Variants in ITIH5 observed in about 807,000 individuals in gnomAD.
ITIH5 encodes inter-alpha-trypsin inhibitor heavy chain H5.
A neutral mutation model predicts 77.5 loss-of-function variants in ITIH5; 65 were observed. That is an observed-to-expected ratio of 0.84 (90% CI 0.69 to 1.03). ITIH5 has a LOEUF of 1.03. Among genes scored for constraint, ITIH5 ranks in the 50% least tolerant of loss-of-function variants. The pLI, the probability that ITIH5 is intolerant of heterozygous loss-of-function variation, is 0.00. For synonymous variants in ITIH5, 525 were observed against 494.3 expected, an observed-to-expected ratio of 1.06 and a Z score of -0.82; for missense variants, 1,208 against 1,213.1, an observed-to-expected ratio of 1.00 and a Z score of 0.06.
At chr10:7,617,422 CAT>C (rs1202137517) in intron 5 of ITIH5, 140 bp from the exon 6 acceptor site, 16 of 520,298 alleles carry the variant, frequency 3.1e-5, no homozygotes, top group Non-Finnish European at 5.2e-5. Context: ...AGACTGTACT[CAT>C]ATATCACAAT....
At position 7,562,968 on chromosome 10, in the gene ITIH5, A is replaced by C; in HGVS notation, c.*115T>G. 1.2e-6 allele frequency: 1 copy of C among 867,236 alleles called. No individual in the cohort carries two copies. The highest frequency in any genetic ancestry group is 3.4e-4 in the Middle Eastern group (1 of 2,938). 53.7% of individuals were successfully genotyped at this position (867,236 alleles called of 1,614,324 possible). The stretch of plus-strand genomic sequence containing the variant: ...ATCTATGCTGCACCAGGGGTGGGTC[A>C]TGGAGTCCAGCTAATTGCCAGGAGC... On this transcript the variant is annotated 3_prime_UTR_variant, in exon 14 of 14. Transcript: ENST00000397146.
chr10:7,647,539 G>A (rs949569828), intron 2 of ITIH5, among the ~76,000 whole-genome samples: 1 of 151,936 alleles, frequency 6.6e-6, no homozygotes, highest in Non-Finnish European at 1.5e-5. Context: ...GTTGCTCTAA[G>A]CCACTGAATT....
chr10:7,589,980 G>T (rs1043935998), intron 7 of ITIH5, among the ~76,000 whole-genome samples: 12 of 147,952 alleles, frequency 8.1e-5, no homozygotes, highest in Non-Finnish European at 1.6e-4. Context: ...CTCAGCTGAG[G>T]TTCTCACCTC....
intron 8 of ITIH5, among the ~76,000 whole-genome samples, chr10:7,583,277 G>A (rs1832604825): frequency 6.6e-6 from 1 of 152,202 alleles, no homozygotes; most frequent in Admixed American, 6.5e-5. Context: ...AAGATGCAGA[G>A]CCCAAATGGA....
chr10:7,566,072 C>A lies in ITIH5; in HGVS notation c.2485G>T (p.Ala829Ser), dbSNP rs983827579. The A allele has an allele frequency of 3.1e-6, 5 of 1,613,982 alleles. No individual in the cohort carries two copies. Among genetic ancestry groups the A allele is most frequent in the Admixed American group, 3.3e-5 (2 of 59,986 alleles). The change falls in exon 13 of 14, where the codon GCC becomes TCC. Residue 829 changes from alanine (A) to serine (S), a missense_variant. Coordinates refer to ENST00000397146, the MANE Select transcript of ITIH5 (RefSeq NM_030569.7). Reference sequence around the variant, plus strand: ...TTGCTGGAAAGGCCCTCGCTGTTGGCAATGTAGAAACCCAGGTGGTGTCGC... The same window carrying A: ...TTGCTGGAAAGGCCCTCGCTGTTGGAAATGTAGAAACCCAGGTGGTGTCGC... ...FQRHHLGFYI[A>S]NSEGLSSNCH...
intron 7 of ITIH5, among the ~76,000 whole-genome samples, chr10:7,593,505 T>C (rs7080910): frequency 8.7e-4 from 19 of 21,792 alleles, no homozygotes; most frequent in South Asian, 5.6e-3. Context: ...CTCACCCCTG[T>C]AGACTGCAGC....
chr10:7,631,904 A>G (rs1230187581), intron 5 of ITIH5, among the ~76,000 whole-genome samples: 2 of 151,680 alleles, frequency 1.3e-5, no homozygotes, highest in African/African-American at 4.8e-5. Flanking sequence ...CTCCTGCCTC[A>G]GCCTCCCAAG....
chr10:7,567,087 T>G (rs1430312138), intron 12 of ITIH5, among the ~76,000 whole-genome samples: 1 of 151,746 alleles, frequency 6.6e-6, no homozygotes, highest in Admixed American at 6.6e-5. Context: ...TAAAGTTATG[T>G]GCGGATTTTT....
chr10:7,648,079 T>TA (rs34969787), intron 2 of ITIH5, among the ~76,000 whole-genome samples: 54 of 143,816 alleles, frequency 3.8e-4, no homozygotes, highest in East Asian at 1.2e-3. Flanking sequence ...CTGTCTCTAC[T>TA]AAAAAAAAAA....
Position 7,565,560 on chromosome 10 carries a change from A to G in ITIH5, c.2527+470T>C, listed in dbSNP as rs149194239. Among the ~76,000 whole-genome samples, 522 of 149,450 alleles carry G rather than the reference A, an allele frequency of 3.5e-3. 5 individuals are homozygous for G. The highest frequency in any genetic ancestry group is 0.012 in the African/African-American group (507 of 40,994). ...CTTATCAGTCTGTGTATACATATAT[A>G]CATACAGACGGTATATATAATACAT... is the stretch of plus-strand genomic sequence containing the variant. On this transcript the variant is annotated intron_variant, in intron 13 of 13. Transcript: ENST00000397146.
intron 7 of ITIH5, among the ~76,000 whole-genome samples, chr10:7,586,984 C>T (rs564717714): frequency 6.6e-6 from 1 of 152,286 alleles, no homozygotes; most frequent in Admixed American, 6.5e-5. Flanking sequence ...GTGCACGCCA[C>T]CACGTCTGGC....
rs150004208 is a variant in ITIH5, at chr10:7,637,865, A to G, written c.402-387T>C. Among the ~76,000 whole-genome samples, 28 of 152,350 alleles carry G rather than the reference A, an allele frequency of 1.8e-4. No individual in the cohort carries two copies. In the East Asian group the frequency reaches 3.7e-3, roughly 20 times the overall value. On this transcript the variant is annotated intron_variant, in intron 4 of 13. Transcript: ENST00000397146. ...TGGCCAATGAATCTTGGCATTTTACATAACTTTAAAATAGCTAACATACTA... is the reference window on the plus strand; with the variant it reads ...TGGCCAATGAATCTTGGCATTTTACGTAACTTTAAAATAGCTAACATACTA...
intron 7 of ITIH5, among the ~76,000 whole-genome samples, chr10:7,603,029 G>T (rs548684235): frequency 6.6e-6 from 1 of 152,176 alleles, no homozygotes; most frequent in Non-Finnish European, 1.5e-5. Flanking sequence ...CCAGCTGCAT[G>T]GCTCCTTCCA....
rs375603206 is a variant in ITIH5, at chr10:7,664,998, G to A, written c.90+1805C>T. On this transcript the variant is annotated intron_variant, in intron 1 of 13. Transcript: ENST00000397146. Reference sequence around the variant, plus strand: ...CCAGAATTCTGGTGCTAAAGCCTATGCTCTCAAACCCTATATCACAAAAAC... The same window carrying A: ...CCAGAATTCTGGTGCTAAAGCCTATACTCTCAAACCCTATATCACAAAAAC... Among the ~76,000 whole-genome samples the A allele has an allele frequency of 2.2e-3, 337 of 152,286 alleles. 2 individuals carry two copies. The highest frequency in any genetic ancestry group is 5.7e-3 in the African/African-American group (236 of 41,556).
chr10:7,634,033 G>A (rs929416140), intron 5 of ITIH5, among the ~76,000 whole-genome samples: 3 of 140,356 alleles, frequency 2.1e-5, no homozygotes, highest in Non-Finnish European at 4.5e-5. Flanking sequence ...AGCTTGCAGT[G>A]AGCCGAGATC....
intron 1 of ITIH5, 86 bp downstream of exon 1, chr10:7,666,717 G>T: frequency 8.3e-6 from 9 of 1,090,088 alleles, no homozygotes; most frequent in African/African-American, 1.6e-5. Flanking sequence ...CGGTCGAAGG[G>T]GGCCCGGGCA....
In ITIH5 at chr10:7,576,837, C is replaced by T. The variant is rs529874492; in HGVS notation, c.1594G>A (p.Ala532Thr). 14 of 1,614,140 alleles carry T rather than the reference C, an allele frequency of 8.7e-6. No individual in the cohort carries two copies. Among genetic ancestry groups the T allele is most frequent in the South Asian group, 2.2e-5 (2 of 91,070 alleles). The change falls in exon 10 of 14, where the codon GCC becomes ACC. Residue 532 changes from alanine to threonine, a missense_variant. Transcript: ENST00000397146. ...KLDHLHVEVT[A>T]SNSKKFIILK... ...ATGATGAATTTCTTACTGTTGCTGG[C>T]GGTGACCTCCACGTGCAGGTGATCC...
chr10:7,614,593 G>A (rs1054505303), intron 7 of ITIH5, among the ~76,000 whole-genome samples: 4 of 151,996 alleles, frequency 2.6e-5, no homozygotes, highest in African/African-American at 4.8e-5. Flanking sequence ...TGGATACCCC[G>A]GCTCTGAAAG....
chr10:7,565,132 CCATA>C (rs1356760118), intron 13 of ITIH5, among the ~76,000 whole-genome samples: 2 of 145,330 alleles, frequency 1.4e-5, no homozygotes, highest in Admixed American at 1.4e-4. Context: ...TATACACACA[CCATA>C]CATACATACA....
Sources: allele counts gnomAD v4.1 joint callset (sites outside exome capture counted in the v4.1 genomes callset), GRCh38; gene constraint gnomAD v4.1.1; transcripts MANE v1.5; gene names NCBI Gene and HGNC (gene_info 2026-07-23, HGNC 2026-07-21).